DNAAF1: variants seen among roughly 807,000 people sequenced by gnomAD.
The protein encoded by DNAAF1 is dynein axonemal assembly factor 1, also known as dynein assembly factor 1, axonemal.
A neutral mutation model predicts 71.1 loss-of-function variants in DNAAF1; 65 were observed. The ratio of observed to expected loss-of-function variants is 0.91; its 90% CI spans 0.75 to 1.12. The LOEUF (loss-of-function observed/expected upper bound fraction) is 1.12, where lower values mean the gene tolerates loss of function less well. Ranked by LOEUF, DNAAF1 falls within the 50% of genes most tolerant of loss-of-function variation. The pLI, the probability that DNAAF1 is intolerant of heterozygous loss-of-function variation, is 0.00. For missense variants in DNAAF1, 1,178 were observed against 899.8 expected, an observed-to-expected ratio of 1.31 and a Z score of -3.96; for synonymous variants, 414 against 354.6, an observed-to-expected ratio of 1.17 and a Z score of -1.88.
chr16:84,156,687 G>A (rs2087440051), intron 5 of DNAAF1, among the ~76,000 whole-genome samples: 1 of 152,102 alleles, frequency 6.6e-6, no homozygotes, highest in South Asian at 2.1e-4. Flanking sequence ...CACTCTCTCA[G>A]CATCTGTTAG....
intron 5 of DNAAF1, among the ~76,000 whole-genome samples, chr16:84,156,358 A>G (rs1445733219): frequency 2.6e-5 from 4 of 152,168 alleles, no homozygotes; most frequent in Non-Finnish European, 2.9e-5. Flanking sequence ...GCCACTTAAC[A>G]TGTTCTGCTG....
At chr16:84,174,321 G>A in intron 9 of DNAAF1, 2 of 1,189,870 alleles carry the variant, frequency 1.7e-6, no homozygotes, top group Non-Finnish European at 2.1e-6. Flanking sequence ...AGAGTTTTCG[G>A]ACTAGTTTGT....
chr16:84,167,877 C>G (rs368144951), intron 7 of DNAAF1, among the ~76,000 whole-genome samples: 1 of 151,906 alleles, frequency 6.6e-6, no homozygotes, highest in African/African-American at 2.4e-5. Context: ...ATTAGCTGGG[C>G]GTGGTGGCAC....
chr16:84,160,760 G>C (rs768193362), intron 6 of DNAAF1, among the ~76,000 whole-genome samples: 3 of 151,282 alleles, frequency 2.0e-5, no homozygotes, highest in South Asian at 2.1e-4. Flanking sequence ...CGGTGAAACC[G>C]CGTCGCTACT....
rs2087326348 is a variant in DNAAF1, at chr16:84,154,622, G to A, written c.398G>A (p.Cys133Tyr). ...CTGGAAGAGTACACAGGGCTGCGCT[G>A]TCTCTGGCTGCAGAGCAATGGAATA... ...ENLEEYTGLR[C>Y]LWLQSNGIQK... The change falls in exon 4 of 12, where the codon TGT becomes TAT. Residue 133 changes from cysteine to tyrosine, a missense_variant. By Grantham distance (194) the Cys-to-Tyr change is radical. Transcript: ENST00000378553. 1 of 1,614,056 alleles carries A rather than the reference G, an allele frequency of 6.2e-7. No individual in the cohort carries two copies.
intron 10 of DNAAF1, among the ~76,000 whole-genome samples, chr16:84,175,000 C>A (rs893184857): frequency 6.6e-6 from 1 of 152,150 alleles, no homozygotes; most frequent in Non-Finnish European, 1.5e-5. Flanking sequence ...GGATTACAGG[C>A]ATGAGCCACC....
Position 84,149,029 on chromosome 16 carries a change from A to G in DNAAF1, c.147A>G (p.Ile49Met), listed in dbSNP as rs778658138. The change falls in exon 2 of 12, where the codon ATA becomes ATG. Residue 49 changes from isoleucine to methionine, a missense_variant. Physicochemically the swap from Ile to Met is conservative, Grantham distance 10 (BLOSUM62 1). Coordinates refer to ENST00000378553, the MANE Select transcript of DNAAF1 (RefSeq NM_178452.6). Reference sequence around the variant, plus strand: ...CAGAAATTAATGATCCTAAGGAAATATGTGTGGGTTCTTCTGACACATCCT... The same window carrying G: ...CAGAAATTAATGATCCTAAGGAAATGTGTGTGGGTTCTTCTGACACATCCT... ...CKEEINDPKE[I>M]CVGSSDTSYH... The G allele has an allele frequency of 1.2e-6, 2 of 1,614,146 alleles. No homozygotes were observed. Among genetic ancestry groups the G allele is most frequent in the Non-Finnish European group, 1.7e-6 (2 of 1,180,024 alleles).
At position 84,174,688 on chromosome 16, in the gene DNAAF1, A is replaced by T. The variant is rs145973397; in HGVS notation, c.1664A>T (p.Asp555Val). 2,909 of 1,614,180 alleles carry T rather than the reference A, an allele frequency of 1.8e-3. 10 individuals are homozygous for T. Among genetic ancestry groups the T allele is most frequent in the Non-Finnish European group, 2.2e-3 (2,560 of 1,180,018 alleles). ...TTTCAGGACCTACCTGACTTGGAAG[A>T]TGATGATGAAACAGGCAAATCTCTG... ...FCIDDLPDLE[D>V]DDETGKSLED... The change falls in exon 10 of 12, where the codon GAT becomes GTT. Residue 555 changes from aspartate (D) to valine (V), a missense_variant. Transcript: ENST00000378553.
At chr16:84,168,529 C>T (rs1182347328) in intron 7 of DNAAF1, among the ~76,000 whole-genome samples, 5 of 152,142 alleles carry the variant, frequency 3.3e-5, no homozygotes, top group Admixed American at 6.5e-5. Flanking sequence ...CCTCCCGCCT[C>T]GGCCTCCCAA....
At chr16:84,163,364 CCT>C (rs151099864) in intron 6 of DNAAF1, among the ~76,000 whole-genome samples, 1,750 of 148,784 alleles carry the variant, frequency 0.012, 34 homozygotes, top group African/African-American at 0.041. Flanking sequence ...TCTTTTTTTT[CCT>C]CTCTCTCTCT....
chr16:84,155,369 C>T (rs2087377846), intron 4 of DNAAF1, among the ~76,000 whole-genome samples: 1 of 152,194 alleles, frequency 6.6e-6, no homozygotes, highest in Non-Finnish European at 1.5e-5. Context: ...GCTGAGACCA[C>T]AGGCATGTGC....
chr16:84,174,333 C>T lies in DNAAF1; in HGVS notation c.1645-336C>T. On this transcript the variant is annotated intron_variant, in intron 9 of 11. Coordinates refer to ENST00000378553, the MANE Select transcript of DNAAF1 (RefSeq NM_178452.6). Reference sequence around the variant, plus strand: ...CATAGAGTTTTCGGACTAGTTTGTACAGAGGTGCATTTGGTTTGGGTCCCA... The same window carrying T: ...CATAGAGTTTTCGGACTAGTTTGTATAGAGGTGCATTTGGTTTGGGTCCCA... 3 of 1,241,902 alleles carry T rather than the reference C, an allele frequency of 2.4e-6. No individual in the cohort carries two copies. The South Asian group carries it at 5.0e-5, about 21-fold the overall frequency. 76.9% of individuals were successfully genotyped at this position (1,241,902 alleles called of 1,614,324 possible).
rs1024540781 is a variant in DNAAF1 at position 84,170,467 on chromosome 16, C to G, written c.1528+111C>G. ...CCTGAGTTTCACTTCTTCTGTATTGCTGTTTCTAGAAGATAATGGACACTA... is the reference window on the plus strand; with the variant it reads ...CCTGAGTTTCACTTCTTCTGTATTGGTGTTTCTAGAAGATAATGGACACTA... On this transcript the variant is annotated intron_variant, in intron 8 of 11. Transcript: ENST00000378553. 3 of 1,527,460 alleles carry G rather than the reference C, an allele frequency of 2.0e-6. No homozygotes were observed. The African/African-American group carries it at 4.1e-5, about 21-fold the overall frequency. 94.6% of individuals were successfully genotyped at this position (1,527,460 alleles called of 1,614,324 possible). A position where few individuals can be genotyped will look rare whatever the true frequency, so the allele number is the denominator to read the frequency against.
At chr16:84,164,324 G>C (rs772070775) in intron 6 of DNAAF1, among the ~76,000 whole-genome samples, 8 of 152,152 alleles carry the variant, frequency 5.3e-5, no homozygotes, top group Non-Finnish European at 7.4e-5. Context: ...CACTGTATGG[G>C]TTCGGACAAA....
At chr16:84,155,199 T>C (rs144678751) in intron 4 of DNAAF1, among the ~76,000 whole-genome samples, 4,541 of 152,166 alleles carry the variant, frequency 0.03, 194 homozygotes, top group African/African-American at 0.1. Context: ...TGAGCCACCA[T>C]GCCCAGCCAA....
intron 5 of DNAAF1, among the ~76,000 whole-genome samples, 163 bp from the exon 6 acceptor site, chr16:84,159,512 G>C (rs759250164): frequency 2.0e-5 from 3 of 152,168 alleles, no homozygotes; most frequent in Non-Finnish European, 4.4e-5. Flanking sequence ...GAGAGCAATG[G>C]AAACCTTCCG....
chr16:84,171,292 CA>C, intron 8 of DNAAF1, among the ~76,000 whole-genome samples: 1 of 152,048 alleles, frequency 6.6e-6, no homozygotes, highest in East Asian at 1.9e-4. Flanking sequence ...CAAGCCTCTA[CA>C]AAAAACAATA....
chr16:84,174,237 A>C (rs961781013), intron 9 of DNAAF1: 26 of 1,057,320 alleles, frequency 2.5e-5, no homozygotes, highest in Admixed American at 1.5e-4. Context: ...ATACCGAACA[A>C]ACACCCACAA....
chr16:84,153,292 C>G lies in DNAAF1; in HGVS notation c.353-1285C>G, dbSNP rs2087266498. Among the ~76,000 whole-genome samples, 2 of 152,264 alleles carry G rather than the reference C, an allele frequency of 1.3e-5. 1 individual carries two copies. The highest frequency in any genetic ancestry group is 4.2e-4 in the South Asian group (2 of 4,812). ...AGGAGGAACAGCTAATGATGCTAGG[C>G]TTAATACCTAGGTGATGGGATGACC... On this transcript the variant is annotated intron_variant, in intron 3 of 11. Transcript: ENST00000378553.
Sources: gnomAD v4.1 joint callset for allele counts (sites outside exome capture counted in the v4.1 genomes callset) on GRCh38, gnomAD v4.1.1 for gene constraint, MANE v1.5 for transcripts, NCBI Gene and HGNC (gene_info 2026-07-23, HGNC 2026-07-21) for gene names.